The following HEBP2 variants were observed in gnomAD, a reference collection of about 807,000 sequenced individuals.
HEBP2 encodes heme binding protein 2, also known as heme-binding protein 2.
Under a neutral mutation model 23.1 loss-of-function variants are expected in HEBP2, and 27 were observed. The ratio of observed to expected loss-of-function variants is 1.17; its 90% CI spans 0.86 to 1.61. The LOEUF (loss-of-function observed/expected upper bound fraction) is 1.61. Among genes scored for constraint, HEBP2 ranks in the 40% most tolerant of loss-of-function variants. The pLI is 0.00. For synonymous variants in HEBP2, 99 were observed against 95.1 expected (o/e 1.04, Z -0.24); for missense variants, 245 against 253.8 (o/e 0.97, Z 0.24).
In HEBP2 at chr6:138,412,937, A is replaced by C; in HGVS notation, c.477A>C (p.Ala159=). ...QKNQEQLLTL[A]SILREDGKVF... ...ATCAAGAACAACTTTTGACATTAGC[A>C]AGCATTTTAAGGGAAGATGGAAAAG... The change falls in exon 4 of 4, where the codon GCA becomes GCC. Residue 159 remains alanine, a synonymous_variant. Transcript: ENST00000607197. 1 of 1,614,152 alleles carries C rather than the reference A, an allele frequency of 6.2e-7. No individual in the cohort carries two copies. The highest frequency in any genetic ancestry group is 1.1e-5 in the South Asian group (1 of 91,084).
Position 138,419,853 on chromosome 6 carries a change from G to C in HEBP2, c.*6775G>C, listed in dbSNP as rs573731995. 3.9e-5 allele frequency: 6 copies of C among 152,304 alleles called. No homozygotes were observed. The highest frequency in any genetic ancestry group is 6.5e-5 in the Admixed American group (1 of 15,298). The allele number at this position is 152,304 out of a possible 1,614,324, so 9.4% of individuals were successfully genotyped here. A position where few individuals can be genotyped will look rare whatever the true frequency, so the allele number is the denominator to read the frequency against. On this transcript the variant is annotated 3_prime_UTR_variant, in exon 4 of 4. Coordinates refer to ENST00000607197, the MANE Select transcript of HEBP2 (RefSeq NM_014320.3). ...TCAGAAGTCCTAGTTCTCAGAGACT[G>C]TATACCTTCTCTAGGCAATATTGCA...
chr6:138,404,724 T>A (rs1295403611), intron 1 of HEBP2, 127 bp downstream of exon 1: 1 of 558,406 alleles, frequency 1.8e-6, no homozygotes, highest in Non-Finnish European at 2.7e-6. Flanking sequence ...CTACCCACTA[T>A]GCTACGCAAA....
chr6:138,408,357 T>C (rs1774685067), intron 3 of HEBP2, among the ~76,000 whole-genome samples: 3 of 152,230 alleles, frequency 2.0e-5, no homozygotes, highest in Non-Finnish European at 4.4e-5. Context: ...TTCAGCCAAA[T>C]ATCCTATTTC....
In HEBP2 at chr6:138,416,272, G is replaced by A. The variant is rs1341973557; in HGVS notation, c.*3194G>A. On this transcript the variant is annotated 3_prime_UTR_variant, in exon 4 of 4. Coordinates refer to ENST00000607197, the MANE Select transcript of HEBP2 (RefSeq NM_014320.3). ...AGATAATACAGACTCACTGCTCTAG[G>A]GCAGCTTGGTAGAAGCCTAGAAAGA... is the stretch of plus-strand genomic sequence containing the variant. 1.3e-5 allele frequency: 2 copies of A among 152,282 alleles called. No individual in the cohort carries two copies. The highest frequency in any genetic ancestry group is 4.8e-5 in the African/African-American group (2 of 41,444). 9.4% of individuals were successfully genotyped at this position (152,282 alleles called of 1,614,324 possible).
Position 138,404,226 on chromosome 6 carries a change from T to A in HEBP2, c.-270T>A, listed in dbSNP as rs1025534812. 2 of 305,268 alleles carry A rather than the reference T, an allele frequency of 6.6e-6. No individual in the cohort carries two copies. Among genetic ancestry groups the A allele is most frequent in the Non-Finnish European group, 1.2e-5 (2 of 167,128 alleles). The allele number at this position is 305,268 out of a possible 1,614,324, so 18.9% of individuals were successfully genotyped here. A position where few individuals can be genotyped will look rare whatever the true frequency, so the allele number is the denominator to read the frequency against. ...CGGGCCGAAGCGAGGTGCGGCTCCC[T>A]GTCGCCGCGGAGGGGCGGGGGCAGG... On this transcript the variant is annotated 5_prime_UTR_variant, in exon 1 of 4. Coordinates refer to ENST00000607197, the MANE Select transcript of HEBP2 (RefSeq NM_014320.3).
Position 138,407,761 on chromosome 6 carries a change from C to A in HEBP2, c.419+1610C>A, listed in dbSNP as rs1002905196. ...ATCCTTCAAGGTGGAGGTAGCCACACCCCCACAGCTCATGTACTGACAGAG... is the reference window on the plus strand; with the variant it reads ...ATCCTTCAAGGTGGAGGTAGCCACAACCCCACAGCTCATGTACTGACAGAG... On this transcript the variant is annotated intron_variant, in intron 3 of 3. Coordinates refer to ENST00000607197, the MANE Select transcript of HEBP2 (RefSeq NM_014320.3). 2.6e-5 allele frequency among the ~76,000 whole-genome samples: 4 copies of A among 152,216 alleles called. No individual in the cohort carries two copies. The East Asian group carries it at 7.7e-4, about 29-fold the overall frequency.
rs1774788848 is a variant in HEBP2, at chr6:138,413,512, T to C, written c.*434T>C. ...GGTGAAATTCAGCTGGACACAAAAA[T>C]CAAATTGTCTTTTGTGGCTGCCACC... On this transcript the variant is annotated 3_prime_UTR_variant, in exon 4 of 4. Coordinates refer to ENST00000607197, the MANE Select transcript of HEBP2 (RefSeq NM_014320.3). The C allele has an allele frequency of 6.1e-6, 1 of 162,834 alleles. No individual in the cohort carries two copies. The highest frequency in any genetic ancestry group is 1.3e-5 in the Non-Finnish European group (1 of 74,596). 10.1% of individuals were successfully genotyped at this position (162,834 alleles called of 1,614,324 possible).
At position 138,404,720 on chromosome 6, in the gene HEBP2, A is replaced by T. The variant is rs9495076; in HGVS notation, c.102+123A>T. On this transcript the variant is annotated intron_variant, in intron 1 of 3. Transcript: ENST00000607197. ...TTTTAAATGGTCCCAGTCCCTACCC[A>T]CTATGCTACGCAAACGAGAAACCCC... The T allele has an allele frequency of 8.8e-6, 5 of 565,948 alleles. No homozygotes were observed. The East Asian group carries it at 1.7e-4, about 20-fold the overall frequency. 35.1% of individuals were successfully genotyped at this position (565,948 alleles called of 1,614,324 possible).
At position 138,418,226 on chromosome 6, in the gene HEBP2, A is replaced by C. The variant is rs1774868873; in HGVS notation, c.*5148A>C. The C allele has an allele frequency of 6.6e-6, 1 of 152,210 alleles. No individual in the cohort carries two copies. The highest frequency in any genetic ancestry group is 2.4e-5 in the African/African-American group (1 of 41,446). The allele number at this position is 152,210 out of a possible 1,614,324, so 9.4% of individuals were successfully genotyped here. A position where few individuals can be genotyped will look rare whatever the true frequency, so the allele number is the denominator to read the frequency against. On this transcript the variant is annotated 3_prime_UTR_variant, in exon 4 of 4. Transcript: ENST00000607197. Reference sequence around the variant, plus strand: ...AGAACCAGAAGTGACAGATATGAAGAAATTAGCAGCTTGAATTATGTGATG... The same window carrying C: ...AGAACCAGAAGTGACAGATATGAAGCAATTAGCAGCTTGAATTATGTGATG...
At chr6:138,406,955 C>T (rs1774656271) in intron 3 of HEBP2, among the ~76,000 whole-genome samples, 1 of 152,050 alleles carries the variant, frequency 6.6e-6, no homozygotes, top group African/African-American at 2.4e-5. Flanking sequence ...CACTTGGGCC[C>T]AGGAGGTCGA....
chr6:138,420,641 G>C lies in HEBP2; in HGVS notation c.*7563G>C, dbSNP rs1016067253. On this transcript the variant is annotated 3_prime_UTR_variant, in exon 4 of 4. Coordinates refer to ENST00000607197, the MANE Select transcript of HEBP2 (RefSeq NM_014320.3). ...AAATTGAGAGCATGCTTTTCTGAGG[G>C]GGCCCTCTTGCCAAAGACCAAGCAA... is the stretch of plus-strand genomic sequence containing the variant. 6.6e-6 allele frequency: 1 copy of C among 152,202 alleles called. No individual in the cohort carries two copies. The highest frequency in any genetic ancestry group is 2.4e-5 in the African/African-American group (1 of 41,424). The allele number at this position is 152,202 out of a possible 1,614,324, so 9.4% of individuals were successfully genotyped here.
rs1774773497 is a variant in HEBP2 at position 138,412,899 on chromosome 6, A to C, written c.439A>C (p.Ser147Arg). The C allele has an allele frequency of 6.2e-7, 1 of 1,613,754 alleles. No homozygotes were observed. Among genetic ancestry groups the C allele is most frequent in the East Asian group, 2.2e-5 (1 of 44,872 alleles). Residue 147 changes from serine (S) to arginine (R), a missense_variant, in exon 4 of 4, where the codon AGT becomes CGT. Coordinates refer to ENST00000607197, the MANE Select transcript of HEBP2 (RefSeq NM_014320.3). The part of the protein sequence containing the change: ...VFVRSFDGFS[S>R]AQKNQEQLLT... ...TTGTAGGTCTTTCGATGGATTTTCT[A>C]GTGCCCAAAAGAATCAAGAACAACT...
chr6:138,412,602 C>T (rs116989149), intron 3 of HEBP2, among the ~76,000 whole-genome samples: 2,172 of 152,246 alleles, frequency 0.014, 24 homozygotes, highest in South Asian at 0.031. Context: ...TACAGGCATC[C>T]GCCACCACAT....
Position 138,417,941 on chromosome 6 carries a change from G to C in HEBP2, c.*4863G>C, listed in dbSNP as rs1284386449. 1 of 152,128 alleles carries C rather than the reference G, an allele frequency of 6.6e-6. No individual in the cohort carries two copies. The highest frequency in any genetic ancestry group is 2.4e-5 in the African/African-American group (1 of 41,410). 9.4% of individuals were successfully genotyped at this position (152,128 alleles called of 1,614,324 possible). A position where few individuals can be genotyped will look rare whatever the true frequency, so the allele number is the denominator to read the frequency against. Reference sequence around the variant, plus strand: ...CCAACAGGTGTTGCCTTAGTACTGAGGTCAAATTGTCCCTAGACCAAAGGC... The same window carrying C: ...CCAACAGGTGTTGCCTTAGTACTGACGTCAAATTGTCCCTAGACCAAAGGC... On this transcript the variant is annotated 3_prime_UTR_variant, in exon 4 of 4. Coordinates refer to ENST00000607197, the MANE Select transcript of HEBP2 (RefSeq NM_014320.3).
In HEBP2 at chr6:138,422,086, G is replaced by A. The variant is rs1774956267; in HGVS notation, c.*9008G>A. 6.6e-6 allele frequency: 1 copy of A among 152,164 alleles called. No homozygotes were observed. The highest frequency in any genetic ancestry group is 2.4e-5 in the African/African-American group (1 of 41,432). 9.4% of individuals were successfully genotyped at this position (152,164 alleles called of 1,614,324 possible). ...TATTCAAAGGAAATTAAATACAAAT[G>A]TATATTTTTCATTAAAAATGGGGAT... On this transcript the variant is annotated 3_prime_UTR_variant, in exon 4 of 4. Coordinates refer to ENST00000607197, the MANE Select transcript of HEBP2 (RefSeq NM_014320.3).
At position 138,420,847 on chromosome 6, in the gene HEBP2, C is replaced by T. The variant is rs993312789; in HGVS notation, c.*7769C>T. On this transcript the variant is annotated 3_prime_UTR_variant, in exon 4 of 4. Coordinates refer to ENST00000607197, the MANE Select transcript of HEBP2 (RefSeq NM_014320.3). Reference sequence around the variant, plus strand: ...AATCCTTTGGTATTCTAACTGTCTACTTCTTGAAGAATCTAAACTGGCAGT... The same window carrying T: ...AATCCTTTGGTATTCTAACTGTCTATTTCTTGAAGAATCTAAACTGGCAGT... 1.3e-5 allele frequency: 2 copies of T among 152,222 alleles called. No individual in the cohort carries two copies. The highest frequency in any genetic ancestry group is 4.8e-5 in the African/African-American group (2 of 41,454). The allele number at this position is 152,222 out of a possible 1,614,324, so 9.4% of individuals were successfully genotyped here.
At chr6:138,411,343 T>C (rs1774742151) in intron 3 of HEBP2, among the ~76,000 whole-genome samples, 1 of 152,238 alleles carries the variant, frequency 6.6e-6, no homozygotes, top group African/African-American at 2.4e-5. Context: ...CACCAGTCTA[T>C]TATATGTCTG....
rs539389889 is a variant in HEBP2 at position 138,417,282 on chromosome 6, G to A, written c.*4204G>A. 6.6e-6 allele frequency: 1 copy of A among 152,162 alleles called. No individual in the cohort carries two copies. Among genetic ancestry groups the A allele is most frequent in the Non-Finnish European group, 1.5e-5 (1 of 68,034 alleles). 9.4% of individuals were successfully genotyped at this position (152,162 alleles called of 1,614,324 possible). A position where few individuals can be genotyped will look rare whatever the true frequency, so the allele number is the denominator to read the frequency against. ...AACCCCTACATTTGTTCCTTGACCT[G>A]TGGGGAAAGAGTATAAGCTTCTAAA... is the stretch of plus-strand genomic sequence containing the variant. On this transcript the variant is annotated 3_prime_UTR_variant, in exon 4 of 4. Transcript: ENST00000607197.
In HEBP2 at chr6:138,412,961, A is replaced by G. The variant is rs1257702412; in HGVS notation, c.501A>G (p.Lys167=). ...CAAGCATTTTAAGGGAAGATGGAAA[A>G]GTTTTCGATGAGAAGGTTTACTACA... is the stretch of plus-strand genomic sequence containing the variant. ...TLASILREDG[K]VFDEKVYYTA... is the part of the protein sequence containing the mutation. Residue 167 remains lysine, a synonymous_variant, in exon 4 of 4, where the codon AAA becomes AAG. Transcript: ENST00000607197. The G allele has an allele frequency of 1.2e-6, 2 of 1,614,160 alleles. No individual in the cohort carries two copies. The highest frequency in any genetic ancestry group is 1.7e-6 in the Non-Finnish European group (2 of 1,180,008).
Sources: gnomAD v4.1 joint callset for allele counts (sites outside exome capture counted in the v4.1 genomes callset) on GRCh38, gnomAD v4.1.1 for gene constraint, MANE v1.5 for transcripts, NCBI Gene and HGNC (gene_info 2026-07-23, HGNC 2026-07-21) for gene names.